Variants in ORMDL1 observed in about 807,000 individuals in gnomAD.
ORMDL1 encodes the protein ORMDL sphingolipid biosynthesis regulator 1.
ORMDL1 carries 10 observed loss-of-function variants against 13.0 expected under a neutral mutation model. That is an observed-to-expected ratio of 0.77 (90% CI 0.47 to 1.30). The LOEUF (loss-of-function observed/expected upper bound fraction) is 1.30. Ranked by LOEUF, ORMDL1 falls within the 50% of genes most tolerant of loss-of-function variation. The pLI is 0.00. For missense variants in ORMDL1, 171 were observed against 186.7 expected (o/e 0.92, Z 0.49); for synonymous variants, 61 against 63.9 (o/e 0.95, Z 0.22).
chr2:189,782,777 A>G (rs1219370540), intron 2 of ORMDL1, 175 bp from the exon 3 acceptor site: 4 of 526,374 alleles, frequency 7.6e-6, no homozygotes, highest in Non-Finnish European at 1.3e-5. Flanking sequence ...AGCAGTAAAG[A>G]ATCTTCAGCA....
chr2:189,775,812 T>A lies in ORMDL1; in HGVS notation c.175-96A>T, dbSNP rs988453541. 1.1e-5 allele frequency: 13 copies of A among 1,225,056 alleles called. No homozygotes were observed. In the South Asian group the frequency reaches 1.4e-4, roughly 13 times the overall value. The allele number at this position is 1,225,056 out of a possible 1,614,324, so 75.9% of individuals were successfully genotyped here. A position where few individuals can be genotyped will look rare whatever the true frequency, so the allele number is the denominator to read the frequency against. ...CGAGGTTCCAAGCTGTTTGTGAGAG[T>A]GTGTGATTTAACTGAGTTCGTTTTA... On this transcript the variant is annotated intron_variant, in intron 3 of 4. Transcript: ENST00000392349.
At chr2:189,775,346 T>A (rs747791464) in intron 4 of ORMDL1, 1 of 456,832 alleles carries the variant, frequency 2.2e-6, no homozygotes, top group Non-Finnish European at 3.8e-6. Flanking sequence ...GGTGCACTGA[T>A]TAGCATGTAA....
intron 4 of ORMDL1, among the ~76,000 whole-genome samples, chr2:189,773,173 G>A: frequency 6.6e-6 from 1 of 152,134 alleles, no homozygotes; most frequent in East Asian, 1.9e-4. Context: ...CCTAGCATAT[G>A]TCCCCTTTTT....
intron 4 of ORMDL1, chr2:189,774,891 G>C (rs1157694072): frequency 6.6e-6 from 1 of 152,060 alleles, no homozygotes; most frequent in Admixed American, 6.6e-5. Flanking sequence ...TTACATCAAG[G>C]GAAAAGGAGG....
At chr2:189,766,506 T>A (rs2047485431), downstream of ORMDL1, among the ~76,000 whole-genome samples, 1 of 152,118 alleles carries the variant, frequency 6.6e-6, no homozygotes, top group African/African-American at 2.4e-5. Flanking sequence ...GGTGGGCGGA[T>A]TACCTGGAGT....
intron 1 of ORMDL1, chr2:189,783,703 T>C (rs912271562): frequency 3.9e-5 from 6 of 152,264 alleles, no homozygotes; most frequent in Non-Finnish European, 7.3e-5. Flanking sequence ...TATGTCATAC[T>C]TAGAACATGC....
At chr2:189,772,019 C>A in intron 4 of ORMDL1, 117 bp from the exon 5 acceptor site, 2 of 781,052 alleles carry the variant, frequency 2.6e-6, no homozygotes, top group Non-Finnish European at 3.7e-6. Context: ...AAAAATGAAA[C>A]TATTTTTGAG....
downstream of ORMDL1, among the ~76,000 whole-genome samples, chr2:189,768,594 G>T (rs1284017112): frequency 6.6e-6 from 1 of 152,152 alleles, no homozygotes; most frequent in Non-Finnish European, 1.5e-5. Flanking sequence ...TATGTGAAGG[G>T]TAAGCCATAA....
At chr2:189,767,122 G>A (rs751990124), downstream of ORMDL1, among the ~76,000 whole-genome samples, 2 of 152,154 alleles carry the variant, frequency 1.3e-5, no homozygotes, top group African/African-American at 2.4e-5. Flanking sequence ...GTATATACCC[G>A]GAAGTGGAAT....
chr2:189,784,083 C>G (rs1277104197), intron 1 of ORMDL1, 186 bp downstream of exon 1: 1 of 152,328 alleles, frequency 6.6e-6, no homozygotes, highest in South Asian at 2.1e-4. Context: ...CGTCAGGACC[C>G]TGGCAAGACA....
intron 4 of ORMDL1, among the ~76,000 whole-genome samples, chr2:189,774,269 C>A (rs891718754): frequency 3.3e-5 from 5 of 152,202 alleles, no homozygotes; most frequent in African/African-American, 1.2e-4. Flanking sequence ...AACCATCTTC[C>A]TGCCTCAGCT....
chr2:189,777,122 T>C (rs987600984), intron 3 of ORMDL1, among the ~76,000 whole-genome samples: 2 of 152,220 alleles, frequency 1.3e-5, no homozygotes, highest in African/African-American at 4.8e-5. Flanking sequence ...TGTAGTTGTA[T>C]ACAATTTTAT....
At chr2:189,779,365 A>G (rs2106153592) in intron 3 of ORMDL1, among the ~76,000 whole-genome samples, 1 of 152,258 alleles carries the variant, frequency 6.6e-6, no homozygotes. Flanking sequence ...GCAGTCCTCA[A>G]ATTTATTGGG....
downstream of ORMDL1, among the ~76,000 whole-genome samples, chr2:189,768,086 G>A (rs2047512475): frequency 6.6e-6 from 1 of 152,072 alleles, no homozygotes; most frequent in South Asian, 2.1e-4. Context: ...TTTTTACCTG[G>A]AACTGAAATT....
chr2:189,776,429 C>T (rs545241604), intron 3 of ORMDL1, among the ~76,000 whole-genome samples: 1 of 152,116 alleles, frequency 6.6e-6, no homozygotes, highest in East Asian at 1.9e-4. Flanking sequence ...AAAAACCAAT[C>T]TATAGATTTG....
chr2:189,769,834 T>A (rs766577254), downstream of ORMDL1, among the ~76,000 whole-genome samples: 4 of 152,182 alleles, frequency 2.6e-5, no homozygotes, highest in Non-Finnish European at 5.9e-5. Context: ...GCAAGAAAGA[T>A]CCACCAATGA....
chr2:189,768,042 A>G (rs1434539118), downstream of ORMDL1, among the ~76,000 whole-genome samples: 1 of 152,190 alleles, frequency 6.6e-6, no homozygotes, highest in Non-Finnish European at 1.5e-5. Context: ...TTTTAAACCC[A>G]ACATAACAAA....
chr2:189,773,293 G>T (rs2106142393), intron 4 of ORMDL1, among the ~76,000 whole-genome samples: 1 of 152,310 alleles, frequency 6.6e-6, no homozygotes, highest in African/African-American at 2.4e-5. Context: ...GGGACTCAGT[G>T]TGACAACATT....
chr2:189,771,536 TG>T lies in ORMDL1; in HGVS notation c.*230del. On this transcript the variant is annotated 3_prime_UTR_variant, in exon 5 of 5. Transcript: ENST00000392349. ...TGCCCTTTAACTTATAAGCTGGGCCTGCCCAGCCTGCTTATAAAGCCCCTCT... is the reference window on the plus strand; with the variant it reads ...TGCCCTTTAACTTATAAGCTGGGCCTCCCAGCCTGCTTATAAAGCCCCTCT... 2.8e-6 allele frequency: 1 copy of T among 354,090 alleles called. No homozygotes were observed. The highest frequency in any genetic ancestry group is 5.0e-6 in the Non-Finnish European group (1 of 198,946). The allele number at this position is 354,090 out of a possible 1,614,324, so 21.9% of individuals were successfully genotyped here.
Sources: allele counts gnomAD v4.1 joint callset (sites outside exome capture counted in the v4.1 genomes callset), GRCh38; gene constraint gnomAD v4.1.1; transcripts MANE v1.5; gene names NCBI Gene and HGNC (gene_info 2026-07-23, HGNC 2026-07-21).